The following SGTB variants were observed in gnomAD, a reference collection of about 807,000 sequenced individuals.
SGTB encodes the protein small glutamine rich tetratricopeptide repeat co-chaperone beta, also known as small glutamine-rich tetratricopeptide repeat-containing protein beta.
Under a neutral mutation model 43.9 loss-of-function variants are expected in SGTB, and 19 were observed. The ratio of observed to expected loss-of-function variants is 0.43; its 90% CI spans 0.30 to 0.63. SGTB has a LOEUF of 0.63. Ranked by LOEUF, SGTB falls within the 30% of genes least tolerant of loss-of-function variation. The probability of loss-of-function intolerance (pLI) is 0.12; values close to 1 mark genes in which losing one functional copy is unlikely to be tolerated. For missense variants in SGTB, 304 were observed against 358.9 expected (o/e 0.85, Z 1.24); for synonymous variants, 116 against 117.3 (o/e 0.99, Z 0.07).
intron 5 of SGTB, among the ~76,000 whole-genome samples, chr5:65,696,663 G>C (rs1757720917): frequency 6.6e-6 from 1 of 152,156 alleles, no homozygotes; most frequent in African/African-American, 2.4e-5. Flanking sequence ...TATAAGATAA[G>C]GCAGAACGTA....
chr5:65,670,640 G>T (rs1757137259), intron 10 of SGTB, among the ~76,000 whole-genome samples: 1 of 152,148 alleles, frequency 6.6e-6, no homozygotes, highest in Non-Finnish European at 1.5e-5. Flanking sequence ...GAAGCAAAGG[G>T]TAAGACGTAT....
intron 2 of SGTB, among the ~76,000 whole-genome samples, chr5:65,714,667 T>C (rs778592433): frequency 9.9e-5 from 15 of 151,982 alleles, no homozygotes; most frequent in Non-Finnish European, 2.2e-4. Context: ...AAGTAAAAAT[T>C]AGCCAGATGT....
chr5:65,685,893 A>G (rs1228370603), intron 5 of SGTB, among the ~76,000 whole-genome samples: 2 of 152,198 alleles, frequency 1.3e-5, no homozygotes, highest in African/African-American at 4.8e-5. Context: ...ACGACAAGTA[A>G]AAGTGATATC....
At position 65,680,540 on chromosome 5, in the gene SGTB, C is replaced by T. The variant is rs768609056; in HGVS notation, c.635G>A (p.Ser212Asn). ...ATTTATCAAGCTAGCCATGTCAAAG[C>T]TCAGTCCAGTTCCTGTCTGTAAAAC... is the stretch of plus-strand genomic sequence containing the variant. ...EVSSPTGTGL[S>N]FDMASLINNP... Residue 212 changes from serine (S) to asparagine (N), a missense_variant, in exon 8 of 11, where the codon AGC (serine) becomes AAC (asparagine). Coordinates refer to ENST00000381007, the MANE Select transcript of SGTB (RefSeq NM_019072.3). The T allele has an allele frequency of 3.1e-6, 5 of 1,614,146 alleles. No individual in the cohort carries two copies. In the East Asian group the frequency reaches 6.7e-5, roughly 22 times the overall value.
At chr5:65,672,174 T>A in intron 9 of SGTB, 70 bp downstream of exon 9, 1 of 1,604,988 alleles carries the variant, frequency 6.2e-7, no homozygotes, top group Non-Finnish European at 8.5e-7. Flanking sequence ...TTTGAGCTGA[T>A]GTGCTCAAAT....
At chr5:65,698,648 C>A (rs1740380156) in intron 5 of SGTB, among the ~76,000 whole-genome samples, 1 of 152,096 alleles carries the variant, frequency 6.6e-6, no homozygotes, top group Non-Finnish European at 1.5e-5. Context: ...CAACAAAGGA[C>A]TAATACCCAG....
At chr5:65,701,242 G>C (rs1757811423) in intron 5 of SGTB, among the ~76,000 whole-genome samples, 1 of 151,910 alleles carries the variant, frequency 6.6e-6, no homozygotes, top group South Asian at 2.1e-4. Context: ...ATGAAATATT[G>C]GATCAAGTTA....
At chr5:65,699,535 A>T (rs1013303221) in intron 5 of SGTB, among the ~76,000 whole-genome samples, 25 of 152,360 alleles carry the variant, frequency 1.6e-4, no homozygotes, top group African/African-American at 6.0e-4. Context: ...AAAGCTACTG[A>T]AATACATATA....
chr5:65,701,187 A>G (rs1177576467), intron 5 of SGTB, among the ~76,000 whole-genome samples: 1 of 152,084 alleles, frequency 6.6e-6, no homozygotes, highest in Admixed American at 6.6e-5. Flanking sequence ...GGAGAGTGCT[A>G]TCTCAGAAAG....
intron 2 of SGTB, among the ~76,000 whole-genome samples, chr5:65,714,744 G>A (rs1758116867): frequency 6.6e-6 from 1 of 152,202 alleles, no homozygotes; most frequent in African/African-American, 2.4e-5. Context: ...GAACCCAGGA[G>A]GCAGTGGTTG....
At position 65,674,168 on chromosome 5, in the gene SGTB, G is replaced by A. The variant is rs142019418; in HGVS notation, c.682-1887C>T. Among the ~76,000 whole-genome samples, 819 of 151,738 alleles carry A rather than the reference G, an allele frequency of 5.4e-3. 6 individuals are homozygous for A. Among genetic ancestry groups the A allele is most frequent in the African/African-American group, 0.019 (773 of 41,336 alleles). On this transcript the variant is annotated intron_variant, in intron 8 of 10. Coordinates refer to ENST00000381007, the MANE Select transcript of SGTB (RefSeq NM_019072.3). ...AAAACTACTGTGGTTCTCTTATGGG[G>A]TACTTTCTCATGTTCTTCAGACACT...
chr5:65,680,611 G>C, intron 7 of SGTB, 45 bp downstream of exon 7: 1 of 1,613,760 alleles, frequency 6.2e-7, no homozygotes, highest in Non-Finnish European at 8.5e-7. Flanking sequence ...ACAATAAATT[G>C]TGAATGACAG....
chr5:65,680,750 C>A lies in SGTB; in HGVS notation c.524G>T (p.Ser175Ile). The change falls in exon 7 of 11, where the codon AGT becomes ATT. Residue 175 changes from serine (S) to isoleucine (I), a missense_variant. By Grantham distance (142) the Ser-to-Ile change is moderately radical. Transcript: ENST00000381007. ...ALNKFEEAVT[S>I]YQKALDLDPE... Reference sequence around the variant, plus strand: ...GTCAAGATCTAATGCCTTTTGATAACTTGTAACTGCTTCTTCAAATTTATT... The same window carrying A: ...GTCAAGATCTAATGCCTTTTGATAAATTGTAACTGCTTCTTCAAATTTATT... 6.2e-7 allele frequency: 1 copy of A among 1,613,902 alleles called. No homozygotes were observed.
intron 4 of SGTB, among the ~76,000 whole-genome samples, chr5:65,706,495 T>C (rs1757935998): frequency 6.6e-6 from 1 of 152,156 alleles, no homozygotes; most frequent in Non-Finnish European, 1.5e-5. Context: ...TATAAGTTAA[T>C]GATAAAAGGC....
In SGTB at chr5:65,671,975, G is replaced by C. The variant is rs370243228; in HGVS notation, c.743C>G (p.Ala248Gly). ...QQLMSGMMTN[A>G]IGGPAAGVGG... ...AACTCCAGCAGCAGGTCCCCCAATG[G>C]CATTTGTCATCATTCCTGACATTCT... Residue 248 changes from alanine (A) to glycine (G), a missense_variant, in exon 10 of 11, where the codon GCC becomes GGC. By Grantham distance (60) the Ala-to-Gly change is moderately conservative (BLOSUM62 0). Coordinates refer to ENST00000381007, the MANE Select transcript of SGTB (RefSeq NM_019072.3). 5.6e-6 allele frequency: 9 copies of C among 1,613,836 alleles called. No individual in the cohort carries two copies. The African/African-American group carries it at 1.2e-4, about 22-fold the overall frequency.
At chr5:65,701,630 ATT>A (rs35304663) in intron 5 of SGTB, among the ~76,000 whole-genome samples, 168 of 126,460 alleles carry the variant, frequency 1.3e-3, no homozygotes, top group African/African-American at 2.6e-3. Context: ...TTTAAATTAA[ATT>A]TTTTTTTTTT....
At chr5:65,709,002 C>T (rs1757990796) in intron 3 of SGTB, among the ~76,000 whole-genome samples, 2 of 151,258 alleles carry the variant, frequency 1.3e-5, no homozygotes, top group South Asian at 2.1e-4. Flanking sequence ...GATCATGGCA[C>T]TGTACTCCAG....
intron 3 of SGTB, 108 bp downstream of exon 3, chr5:65,712,853 A>G: frequency 1.4e-6 from 1 of 729,120 alleles, no homozygotes; most frequent in Non-Finnish European, 2.3e-6. Context: ...TACCTTATAT[A>G]CAGGATGAAG....
In SGTB at chr5:65,674,783, C is replaced by T. The variant is rs573550538; in HGVS notation, c.682-2502G>A. ...GAATTCCATTTTTCACATCTTGTTA[C>T]AATGCCATAACCTGAGTCCTAGAAT... On this transcript the variant is annotated intron_variant, in intron 8 of 10. Coordinates refer to ENST00000381007, the MANE Select transcript of SGTB (RefSeq NM_019072.3). Among the ~76,000 whole-genome samples the T allele has an allele frequency of 4.0e-5, 6 of 151,874 alleles. No individual in the cohort carries two copies. The South Asian group carries it at 1.2e-3, about 32-fold the overall frequency.
Sources: allele counts gnomAD v4.1 joint callset (sites outside exome capture counted in the v4.1 genomes callset), GRCh38; gene constraint gnomAD v4.1.1; transcripts MANE v1.5; gene names NCBI Gene and HGNC (gene_info 2026-07-23, HGNC 2026-07-21).